The following DNAAF8 variants were observed in gnomAD, a reference collection of about 807,000 sequenced individuals.
DNAAF8 encodes the protein dynein axonemal assembly factor 8, also known as dynein axonemal-associated protein 1.
A neutral mutation model predicts 54.6 loss-of-function variants in DNAAF8; 61 were observed. The observed-to-expected ratio is 1.12, with a 90% CI of 0.91 to 1.38. The LOEUF is 1.38. Among genes scored for constraint, DNAAF8 ranks in the 40% most tolerant of loss-of-function variants. The pLI, the probability that DNAAF8 is intolerant of heterozygous loss-of-function variation, is 0.00. For synonymous variants in DNAAF8, 320 were observed against 270.1 expected, an observed-to-expected ratio of 1.18 and a Z score of -1.81; for missense variants, 837 against 665.0, an observed-to-expected ratio of 1.26 and a Z score of -2.85.
At chr16:4,736,103 G>A (rs1430768444) in intron 1 of DNAAF8, among the ~76,000 whole-genome samples, 8 of 152,006 alleles carry the variant, frequency 5.3e-5, no homozygotes, top group Non-Finnish European at 8.8e-5. Context: ...TATGCTATAT[G>A]GGGTATATAT....
At chr16:4,745,046 C>T in intron 6 of DNAAF8, 35 bp downstream of exon 6, 2 of 1,601,162 alleles carry the variant, frequency 1.2e-6, no homozygotes, top group South Asian at 1.1e-5. Flanking sequence ...TCCTGTGGTC[C>T]TTTAGAATGG....
At chr16:4,744,093 CTAAT>C (rs1358793439) in intron 5 of DNAAF8, among the ~76,000 whole-genome samples, 1 of 151,986 alleles carries the variant, frequency 6.6e-6, no homozygotes, top group Non-Finnish European at 1.5e-5. Flanking sequence ...CCACGCCTGG[CTAAT>C]TTTTTTTGTA....
chr16:4,736,358 G>A, intron 1 of DNAAF8, 106 bp from the exon 2 acceptor site: 1 of 775,662 alleles, frequency 1.3e-6, no homozygotes, highest in Non-Finnish European at 1.8e-6. Context: ...GAGGCAGGTG[G>A]TGAGGCCTGC....
chr16:4,734,959 A>C (rs1163417368), intron 1 of DNAAF8: 1 of 152,072 alleles, frequency 6.6e-6, no homozygotes, highest in Non-Finnish European at 1.5e-5. Context: ...ACCCACCCCG[A>C]GACGGAGCCG....
At chr16:4,737,166 G>A (rs1240801418) in intron 2 of DNAAF8, among the ~76,000 whole-genome samples, 2 of 152,162 alleles carry the variant, frequency 1.3e-5, no homozygotes, top group African/African-American at 2.4e-5. Context: ...GGCGGGGGCT[G>A]CTCAGTGCAC....
At chr16:4,746,344 G>T in intron 6 of DNAAF8, 31 bp from the exon 7 acceptor site, 1 of 1,595,956 alleles carries the variant, frequency 6.3e-7, no homozygotes, top group South Asian at 1.1e-5. Context: ...ACAGAGAACT[G>T]ACTCCACAAC....
In DNAAF8 at chr16:4,740,233, A is replaced by C; in HGVS notation, c.357A>C (p.Glu119Asp). 1 of 1,614,092 alleles carries C rather than the reference A, an allele frequency of 6.2e-7. No individual in the cohort carries two copies. Among genetic ancestry groups the C allele is most frequent in the Non-Finnish European group, 8.5e-7 (1 of 1,179,984 alleles). The change falls in exon 4 of 10, where the codon GAA (glutamate) becomes GAC (aspartate). Residue 119 changes from glutamate (E) to aspartate (D), a missense_variant. Transcript: ENST00000299320. Reference protein sequence around the residue: ...NTRTKDASSQEGRDPGRPFES... With the variant: ...NTRTKDASSQDGRDPGRPFES... The stretch of plus-strand genomic sequence containing the variant: ...GGACAAAGGATGCATCCTCTCAGGA[A>C]GGAAGAGACCCTGGCAGGCCTTTTG...
At chr16:4,747,137 G>C in intron 8 of DNAAF8, 112 bp downstream of exon 8, 1 of 1,230,076 alleles carries the variant, frequency 8.1e-7, no homozygotes, top group Non-Finnish European at 1.1e-6. Context: ...TGCACCCACC[G>C]CACAGGGTGA....
At chr16:4,736,727 C>T in intron 2 of DNAAF8, 84 bp downstream of exon 2, 1 of 1,293,018 alleles carries the variant, frequency 7.7e-7, no homozygotes. Context: ...TGGAGCACTT[C>T]TCTGAAGACT....
intron 6 of DNAAF8, among the ~76,000 whole-genome samples, chr16:4,745,803 A>T (rs567185800): frequency 3.9e-5 from 6 of 152,006 alleles, no homozygotes; most frequent in African/African-American, 1.2e-4. Context: ...ACACAAAAAA[A>T]TTTTCCAGGC....
In DNAAF8 at chr16:4,736,425, T is replaced by G. The variant is rs1028688872; in HGVS notation, c.-51-39T>G. On this transcript the variant is annotated intron_variant, in intron 1 of 9. Transcript: ENST00000299320. ...CAGCCCCTGCTCTCCTGACCTTCAG[T>G]GGCCCGGACCCTCTTCCATCACCCT... The G allele has an allele frequency of 2.3e-6, 3 of 1,327,632 alleles. No individual in the cohort carries two copies. In the African/African-American group the frequency reaches 4.5e-5, roughly 20 times the overall value. The allele number at this position is 1,327,632 out of a possible 1,614,324, so 82.2% of individuals were successfully genotyped here.
intron 4 of DNAAF8, among the ~76,000 whole-genome samples, chr16:4,741,624 A>C (rs560993471): frequency 1.6e-4 from 25 of 152,202 alleles, no homozygotes; most frequent in Non-Finnish European, 3.5e-4. Flanking sequence ...ACATGGTGAA[A>C]CCGTGACTCT....
At chr16:4,740,780 A>C in intron 4 of DNAAF8, 121 bp downstream of exon 4, 4 of 1,251,582 alleles carry the variant, frequency 3.2e-6, no homozygotes, top group Non-Finnish European at 4.3e-6. Flanking sequence ...TAGGCCCATT[A>C]TCCACCATTC....
chr16:4,741,119 A>G (rs2081956159), intron 4 of DNAAF8, among the ~76,000 whole-genome samples: 1 of 151,518 alleles, frequency 6.6e-6, no homozygotes, highest in African/African-American at 2.4e-5. Flanking sequence ...CTGTAGTCCC[A>G]GCTACTCAGG....
intron 5 of DNAAF8, among the ~76,000 whole-genome samples, chr16:4,744,554 A>T (rs1260130515): frequency 1.3e-5 from 2 of 152,112 alleles, no homozygotes; most frequent in Non-Finnish European, 2.9e-5. Flanking sequence ...CAACACACAG[A>T]ACTGTTCATT....
intron 2 of DNAAF8, 142 bp downstream of exon 2, chr16:4,736,785 T>C (rs1271007569): frequency 4.2e-6 from 4 of 960,660 alleles, no homozygotes; most frequent in Admixed American, 3.2e-5. Context: ...TTAAATCGCA[T>C]GGCCAGACTC....
At chr16:4,744,463 G>A (rs2081987708) in intron 5 of DNAAF8, among the ~76,000 whole-genome samples, 1 of 151,954 alleles carries the variant, frequency 6.6e-6, no homozygotes, top group African/African-American at 2.4e-5. Context: ...GTAGGTTAAC[G>A]TGGAAGCATG....
chr16:4,740,502 CG>C lies in DNAAF8; in HGVS notation c.628del (p.Asp210ThrfsTer21), dbSNP rs775045412. On this transcript the variant is annotated frameshift_variant, in exon 4 of 10. Transcript: ENST00000299320. LOFTEE classifies it high-confidence loss of function. ...CAGGAGAGAAGGAAGATGATAGAGA[CG>C]GACATCCTCCAGAAAGTCACCCGGG... Reference protein sequence around the residue: ...LRQERRKMIETDILQKVTRDA... With the variant: ...LRQERRKMIEXDILQKVTRDA... The C allele has an allele frequency of 1.2e-6, 2 of 1,614,098 alleles. No homozygotes were observed. The highest frequency in any genetic ancestry group is 2.2e-5 in the East Asian group (1 of 44,884).
intron 9 of DNAAF8, among the ~76,000 whole-genome samples, chr16:4,747,913 G>C (rs1314200946): frequency 6.6e-6 from 1 of 152,130 alleles, no homozygotes; most frequent in Non-Finnish European, 1.5e-5. Context: ...AGGAGGACGG[G>C]GTGCTGCTCT....
Sources: allele counts gnomAD v4.1 joint callset (sites outside exome capture counted in the v4.1 genomes callset), GRCh38; gene constraint gnomAD v4.1.1; transcripts MANE v1.5; gene names NCBI Gene and HGNC (gene_info 2026-07-23, HGNC 2026-07-21).